The following STARD9 variants were observed in gnomAD, a reference collection of about 807,000 sequenced individuals.
STARD9 encodes the protein stAR-related lipid transfer protein 9.
STARD9 carries 346 observed loss-of-function variants against 399.8 expected under a neutral mutation model. The observed-to-expected ratio is 0.87, with a 90% confidence interval of 0.79 to 0.95. The LOEUF (loss-of-function observed/expected upper bound fraction) is 0.95, where lower values mean the gene tolerates loss of function less well. STARD9 is among the 40% of genes least tolerant of loss of function. The pLI is 0.00. For missense variants in STARD9, 5,832 were observed against 5,667.5 expected (o/e 1.03, Z -0.93); for synonymous variants, 2,203 against 2,143.5 (o/e 1.03, Z -0.77).
At chr15:42,598,992 C>T (rs927477827) in intron 3 of STARD9, among the ~76,000 whole-genome samples, 2 of 152,122 alleles carry the variant, frequency 1.3e-5, no homozygotes, top group African/African-American at 2.4e-5. Context: ...GGCACAATCT[C>T]AGCTCACTGC....
intron 14 of STARD9, 104 bp downstream of exon 14, chr15:42,665,434 T>C: frequency 1.1e-6 from 1 of 897,686 alleles, no homozygotes. Flanking sequence ...ATGTTCTCAA[T>C]TGACTCTCTT....
At position 42,692,220 on chromosome 15, in the gene STARD9, G is replaced by A. The variant is rs763695380; in HGVS notation, c.10642G>A (p.Ala3548Thr). ...AACCACACACAGCAGCACTGAGAATGCCCAGGGTTCAAATGAGGCCTGGGA... is the reference window on the plus strand; with the variant it reads ...AACCACACACAGCAGCACTGAGAATACCCAGGGTTCAAATGAGGCCTGGGA... ...LSTTHSSTEN[A>T]QGSNEAWEVF... The change falls in exon 23 of 33, where the codon GCC becomes ACC. Residue 3548 changes from alanine to threonine, a missense_variant. By Grantham distance (58) the Ala-to-Thr change is moderately conservative. Transcript: ENST00000290607. The A allele has an allele frequency of 6.5e-7, 1 of 1,537,054 alleles. No individual in the cohort carries two copies. The highest frequency in any genetic ancestry group is 1.4e-5 in the African/African-American group (1 of 73,138).
At chr15:42,676,357 C>T (rs887280498) in intron 20 of STARD9, among the ~76,000 whole-genome samples, 2 of 152,154 alleles carry the variant, frequency 1.3e-5, no homozygotes, top group African/African-American at 4.8e-5. Context: ...TGTGTGTGAG[C>T]TCATAGTATA....
rs1455371274 is a variant in STARD9 at position 42,711,202 on chromosome 15, C to T, written c.13285-5475C>T. ...TTACCCAGGCTGGAGTGCAGTGGCA[C>T]GATCTCGGCTCACTGCAACCTCTGC... is the stretch of plus-strand genomic sequence containing the variant. On this transcript the variant is annotated intron_variant, in intron 26 of 32. Coordinates refer to ENST00000290607, the MANE Select transcript of STARD9 (RefSeq NM_020759.3). Among the ~76,000 whole-genome samples, 14 of 151,358 alleles carry T rather than the reference C, an allele frequency of 9.2e-5. No homozygotes were observed. The South Asian group carries it at 2.3e-3, about 25-fold the overall frequency.
chr15:42,669,248 G>A lies in STARD9; in HGVS notation c.1408G>A (p.Ala470Thr), dbSNP rs2060160523. Residue 470 changes from alanine (A) to threonine (T), a missense_variant, in exon 16 of 33, where the codon GCT becomes ACT. Ala to Thr is a moderately conservative substitution (Grantham distance 58). Around this residue, in one of 2 missense-constraint regions of STARD9, gnomAD observed 5,828 missense variants for 5,651.1 expected, o/e 1.03. Transcript: ENST00000290607. ...CAGTGTGGACATCAACAGGAGGAGG[G>A]CTGGGGTGGTCATCGACTCCAGCCT... ...HYSVDINRRR[A>T]GVVIDSSLPH... 1 of 1,537,010 alleles carries A rather than the reference G, an allele frequency of 6.5e-7. No individual in the cohort carries two copies. The highest frequency in any genetic ancestry group is 1.4e-5 in the African/African-American group (1 of 73,046).
chr15:42,590,634 G>T (rs1566856114), intron 3 of STARD9, among the ~76,000 whole-genome samples: 1 of 152,212 alleles, frequency 6.6e-6, no homozygotes, highest in Non-Finnish European at 1.5e-5. Flanking sequence ...ATAAAGAAAA[G>T]AGGTTTATTT....
Position 42,705,821 on chromosome 15 carries a change from C to T in STARD9, c.13284+9941C>T, listed in dbSNP as rs1319207312. On this transcript the variant is annotated intron_variant, in intron 26 of 32. Transcript: ENST00000290607. ...GGGCTGGAGTGCAGGGGCGTGATCTCAGCTTACTGCAACCTCCACCTCCTG... is the reference window on the plus strand; with the variant it reads ...GGGCTGGAGTGCAGGGGCGTGATCTTAGCTTACTGCAACCTCCACCTCCTG... Among the ~76,000 whole-genome samples the T allele has an allele frequency of 2.6e-5, 4 of 151,968 alleles. No individual in the cohort carries two copies. In the East Asian group the frequency reaches 7.7e-4, roughly 29 times the overall value.
In STARD9 at chr15:42,690,203, G is replaced by T; in HGVS notation, c.8625G>T (p.Gln2875His). 1.3e-6 allele frequency: 2 copies of T among 1,537,774 alleles called. No individual in the cohort carries two copies. Among genetic ancestry groups the T allele is most frequent in the Non-Finnish European group, 1.7e-6 (2 of 1,147,014 alleles). ...AAGCTCCCACACAGCAGTGTGTGCA[G>T]TGTAAGGAGAGTGTTGGGTCTGGGT... is the stretch of plus-strand genomic sequence containing the variant. ...ALEAPTQQCVQCKESVGSGLT... is the reference protein window; with the variant it reads ...ALEAPTQQCVHCKESVGSGLT... Residue 2875 changes from glutamine (Q) to histidine (H), a missense_variant, in exon 23 of 33, where the codon CAG becomes CAT. Around this residue, in one of 2 missense-constraint regions of STARD9, gnomAD observed 5,828 missense variants for 5,651.1 expected, o/e 1.03. Transcript: ENST00000290607.
At chr15:42,652,646 C>G in intron 9 of STARD9, 54 bp downstream of exon 9, 1 of 1,414,214 alleles carries the variant, frequency 7.1e-7, no homozygotes, top group Non-Finnish European at 9.7e-7. Context: ...TACCTTTAAA[C>G]CACTTTCTTG....
rs75888272 is a variant in STARD9 at position 42,639,439 on chromosome 15, C to T, written c.559+627C>T. On this transcript the variant is annotated intron_variant, in intron 7 of 32. Transcript: ENST00000290607. Reference sequence around the variant, plus strand: ...CATGGGGTAGGATTTGATGTGTTTCCTAACCAAATACTGGTGTTTGGTGCT... The same window carrying T: ...CATGGGGTAGGATTTGATGTGTTTCTTAACCAAATACTGGTGTTTGGTGCT... Among the ~76,000 whole-genome samples, 580 of 152,218 alleles carry T rather than the reference C, an allele frequency of 3.8e-3. 3 individuals are homozygous for T. The highest frequency in any genetic ancestry group is 0.013 in the African/African-American group (556 of 41,524).
At chr15:42,634,724 T>G in intron 3 of STARD9, 132 bp from the exon 4 acceptor site, 1 of 536,820 alleles carries the variant, frequency 1.9e-6, no homozygotes, top group Non-Finnish European at 3.2e-6. Flanking sequence ...AAATTGATTC[T>G]TATGAAATGG....
At chr15:42,646,782 A>G (rs894757565) in intron 7 of STARD9, among the ~76,000 whole-genome samples, 2 of 152,376 alleles carry the variant, frequency 1.3e-5, no homozygotes, top group East Asian at 3.9e-4. Context: ...CAAGAGGCCT[A>G]GCTTTCAGCC....
chr15:42,705,829 T>C (rs1391519650), intron 26 of STARD9, among the ~76,000 whole-genome samples: 1 of 152,186 alleles, frequency 6.6e-6, no homozygotes, highest in African/African-American at 2.4e-5. Context: ...CTCAGCTTAC[T>C]GCAACCTCCA....
At chr15:42,619,742 C>T (rs559347858) in intron 3 of STARD9, among the ~76,000 whole-genome samples, 4 of 152,272 alleles carry the variant, frequency 2.6e-5, no homozygotes, top group South Asian at 2.1e-4. Context: ...ACTTGCTCCT[C>T]GCCTGCCTGC....
At chr15:42,701,556 A>G (rs1036750762) in intron 26 of STARD9, among the ~76,000 whole-genome samples, 3 of 152,138 alleles carry the variant, frequency 2.0e-5, no homozygotes, top group Admixed American at 6.6e-5. Flanking sequence ...CTTTTGGTCT[A>G]TAGAAACACT....
Position 42,681,471 on chromosome 15 carries a change from G to A in STARD9, c.1924G>A (p.Gly642Arg). ...CDEDHQTPRD[G>R]ETSHRAQIQQ... ...CGAGGACCATCAGACACCGAGGGAT[G>A]GAGAGACATCCCACAGGGCCCAGAT... The change falls in exon 21 of 33, where the codon GGA becomes AGA. Residue 642 changes from glycine (G) to arginine (R), a missense_variant. Gly to Arg is a moderately radical substitution (Grantham distance 125). Coordinates refer to ENST00000290607, the MANE Select transcript of STARD9 (RefSeq NM_020759.3). 1 of 1,537,216 alleles carries A rather than the reference G, an allele frequency of 6.5e-7. No individual in the cohort carries two copies. The highest frequency in any genetic ancestry group is 8.7e-7 in the Non-Finnish European group (1 of 1,146,878).
intron 9 of STARD9, among the ~76,000 whole-genome samples, chr15:42,659,119 GAA>G (rs1193262165): frequency 6.6e-6 from 1 of 151,992 alleles, no homozygotes; most frequent in African/African-American, 2.4e-5. Flanking sequence ...TCGAAAGAAA[GAA>G]AGAGAGAAAA....
intron 3 of STARD9, among the ~76,000 whole-genome samples, chr15:42,598,402 A>AG (rs1321053476): frequency 2.0e-5 from 3 of 150,482 alleles, no homozygotes; most frequent in Non-Finnish European, 2.9e-5. Flanking sequence ...AGGCTTCGAA[A>AG]GGCTTTCTCA....
chr15:42,688,749 A>T lies in STARD9; in HGVS notation c.7171A>T (p.Ser2391Cys). 1.3e-6 allele frequency: 2 copies of T among 1,537,772 alleles called. No homozygotes were observed. Among genetic ancestry groups the T allele is most frequent in the Non-Finnish European group, 1.7e-6 (2 of 1,147,038 alleles). Residue 2391 changes from serine to cysteine, a missense_variant, in exon 23 of 33, where the codon AGC (serine) becomes TGC (cysteine). Physicochemically the swap from Ser to Cys is moderately radical, Grantham distance 112. This residue lies in a region of STARD9 where 5,828 missense variants were observed against 5,651.1 expected (regional missense o/e 1.03). Coordinates refer to ENST00000290607, the MANE Select transcript of STARD9 (RefSeq NM_020759.3). ...CCAGAGTACGGAGACCAGAAGCCACAGCCCCGAAGGAAATGTTAGAGGGCG... is the reference window on the plus strand; with the variant it reads ...CCAGAGTACGGAGACCAGAAGCCACTGCCCCGAAGGAAATGTTAGAGGGCG... ...QDQSTETRSH[S>C]PEGNVRGRSS...
Sources: allele counts gnomAD v4.1 joint callset (sites outside exome capture counted in the v4.1 genomes callset), GRCh38; gene constraint gnomAD v4.1.1; regional missense constraint gnomAD v4.1.1; transcripts MANE v1.5; gene names NCBI Gene and HGNC (gene_info 2026-07-23, HGNC 2026-07-21).